The following RBM25 variants were observed in gnomAD, a reference collection of about 807,000 sequenced individuals.
RBM25 encodes RNA binding motif protein 25.
In RBM25, 19 loss-of-function variants were observed where a neutral mutation model predicts 120.7. That is an observed-to-expected ratio of 0.16 (90% CI 0.11 to 0.23). RBM25 has a LOEUF of 0.23. Ranked by LOEUF, RBM25 falls within the 10% of genes least tolerant of loss-of-function variation. The pLI, the probability that RBM25 is intolerant of heterozygous loss-of-function variation, is 1.00. For synonymous variants in RBM25, 390 were observed against 326.7 expected, an observed-to-expected ratio of 1.19 and a Z score of -2.09; for missense variants, 605 against 1,041.5, an observed-to-expected ratio of 0.58 and a Z score of 5.77.
chr14:73,065,535 CT>C (rs996785693), intron 1 of RBM25, among the ~76,000 whole-genome samples: 2 of 152,094 alleles, frequency 1.3e-5, no homozygotes, highest in African/African-American at 4.8e-5. Context: ...AGCAATTCCC[CT>C]GCCTCAGCCT....
intron 1 of RBM25, among the ~76,000 whole-genome samples, chr14:73,066,582 C>T (rs148848508): frequency 2.2e-3 from 318 of 145,264 alleles, no homozygotes; most frequent in Non-Finnish European, 3.9e-3. Context: ...ACCCGACAGG[C>T]GGAGGTTTCA....
At chr14:73,096,850 T>C in intron 6 of RBM25, 65 bp from the exon 7 acceptor site, 1 of 1,375,712 alleles carries the variant, frequency 7.3e-7, no homozygotes, top group Non-Finnish European at 1.0e-6. Context: ...TTAACTCTTG[T>C]TGTAGAGTGA....
Position 73,106,191 on chromosome 14 carries a change from T to G in RBM25, c.1378-5T>G. ...TTTAAAGCTTTGAAAATTTAATTTTTTTAGCGCCTTAAGAATTGGGAAATC... is the reference window on the plus strand; with the variant it reads ...TTTAAAGCTTTGAAAATTTAATTTTGTTAGCGCCTTAAGAATTGGGAAATC... On this transcript the variant is annotated splice_polypyrimidine_tract_variant and splice_region_variant and intron_variant, in intron 11 of 18. Transcript: ENST00000261973. The G allele has an allele frequency of 6.3e-7, 1 of 1,581,436 alleles. No homozygotes were observed. Among genetic ancestry groups the G allele is most frequent in the South Asian group, 1.2e-5 (1 of 84,052 alleles).
intron 6 of RBM25, among the ~76,000 whole-genome samples, chr14:73,095,770 A>G (rs1895928689): frequency 6.6e-6 from 1 of 152,190 alleles, no homozygotes; most frequent in Non-Finnish European, 1.5e-5. Flanking sequence ...CACCTTGAAT[A>G]GAGTTGCAGG....
intron 7 of RBM25, 58 bp from the exon 8 acceptor site, chr14:73,099,322 A>T (rs1214878166): frequency 1.4e-6 from 2 of 1,474,270 alleles, no homozygotes; most frequent in East Asian, 4.5e-5. Flanking sequence ...TGCTTTGCAG[A>T]TTAGTATGAG....
intron 18 of RBM25, among the ~76,000 whole-genome samples, chr14:73,117,346 T>G (rs1270107752): frequency 6.7e-6 from 1 of 149,800 alleles, no homozygotes; most frequent in Non-Finnish European, 1.5e-5. Flanking sequence ...ATTCTCCTGC[T>G]TCAGCCTCCC....
At chr14:73,083,886 A>G (rs896750321) in intron 5 of RBM25, among the ~76,000 whole-genome samples, 1 of 151,018 alleles carries the variant, frequency 6.6e-6, no homozygotes, top group East Asian at 1.9e-4. Context: ...AGAGACAATC[A>G]TGGCCTGTTA....
In RBM25 at chr14:73,103,236, A is replaced by G. The variant is rs555703939; in HGVS notation, c.912A>G (p.Glu304=). ...EKGKKEKERQ[E]IEKERRERER... is the part of the protein sequence containing the mutation. ...GCAAAAAGGAAAAAGAAAGACAGGA[A>G]ATTGAGAAAGAACGGAGAGAAAGAG... The change falls in exon 10 of 19, where the codon GAA becomes GAG. Residue 304 remains glutamate, a synonymous_variant. Transcript: ENST00000261973. 4.3e-6 allele frequency: 7 copies of G among 1,609,446 alleles called. No homozygotes were observed. Among genetic ancestry groups the G allele is most frequent in the Non-Finnish European group, 5.9e-6 (7 of 1,177,938 alleles).
In RBM25 at chr14:73,103,994, ACT is replaced by A. The variant is rs1209592511; in HGVS notation, c.1154+538_1154+539del. On this transcript the variant is annotated intron_variant, in intron 10 of 18. Coordinates refer to ENST00000261973, the MANE Select transcript of RBM25 (RefSeq NM_021239.3). Reference sequence around the variant, plus strand: ...CACACACACACACACACACACACACACTCTCTCTCTCTCTCTCTCTCTCACTA... The same window carrying A: ...CACACACACACACACACACACACACACTCTCTCTCTCTCTCTCTCTCACTA... 5.9e-3 allele frequency among the ~76,000 whole-genome samples: 588 copies of A among 99,356 alleles called. 3 individuals are homozygous for A. Among genetic ancestry groups the A allele is most frequent in the East Asian group, 0.02 (57 of 2,796 alleles). The allele number at this position is 99,356 out of a possible 152,430, so 65.2% of individuals were successfully genotyped here.
At chr14:73,098,961 T>A (rs566170844) in intron 7 of RBM25, among the ~76,000 whole-genome samples, 68 of 152,316 alleles carry the variant, frequency 4.5e-4, no homozygotes, top group African/African-American at 1.6e-3. Flanking sequence ...GTAGGGTCAG[T>A]AAGGTACAGG....
intron 14 of RBM25, among the ~76,000 whole-genome samples, 153 bp from the exon 15 acceptor site, chr14:73,110,678 C>T (rs1184934169): frequency 1.3e-5 from 2 of 152,120 alleles, no homozygotes; most frequent in Non-Finnish European, 2.9e-5. Context: ...ATCTGCCCAC[C>T]GCGGCCTCCC....
chr14:73,074,056 A>G (rs993367938), intron 2 of RBM25, among the ~76,000 whole-genome samples: 1 of 152,258 alleles, frequency 6.6e-6, no homozygotes, highest in African/African-American at 2.4e-5. Flanking sequence ...ATGTTGCAGA[A>G]AACTGAATAA....
At chr14:73,103,994 A>ACACACACT (rs1339176135) in intron 10 of RBM25, among the ~76,000 whole-genome samples, 146 of 99,396 alleles carry the variant, frequency 1.5e-3, no homozygotes, top group Non-Finnish European at 2.4e-3. Context: ...ACACACACAC[A>ACACACACT]CTCTCTCTCT....
At chr14:73,093,307 T>C (rs1895858828) in intron 6 of RBM25, among the ~76,000 whole-genome samples, 1 of 152,232 alleles carries the variant, frequency 6.6e-6, no homozygotes, top group Non-Finnish European at 1.5e-5. Context: ...GTTCGTACTT[T>C]GGATTCTAGA....
At chr14:73,111,218 T>C (rs1896304613) in intron 15 of RBM25, 63 bp downstream of exon 15, 2 of 1,355,568 alleles carry the variant, frequency 1.5e-6, no homozygotes, top group Admixed American at 2.5e-5. Context: ...ACCTGTATTG[T>C]GCTTTAAAGA....
Position 73,106,054 on chromosome 14 carries a change from C to G in RBM25, c.1350C>G (p.Leu450=). Residue 450 remains leucine, a synonymous_variant, in exon 11 of 19, where the codon CTC becomes CTG. Transcript: ENST00000261973. ...AYERRKLERK[L]REKEAAYQER... Reference sequence around the variant, plus strand: ...AACGAAGAAAACTTGAAAGAAAACTCCGAGAGAAAGAAGCTGCTTATCAAG... The same window carrying G: ...AACGAAGAAAACTTGAAAGAAAACTGCGAGAGAAAGAAGCTGCTTATCAAG... 1 of 1,608,496 alleles carries G rather than the reference C, an allele frequency of 6.2e-7. No individual in the cohort carries two copies. The highest frequency in any genetic ancestry group is 8.5e-7 in the Non-Finnish European group (1 of 1,178,824).
intron 6 of RBM25, among the ~76,000 whole-genome samples, chr14:73,090,303 G>A (rs1414807954): frequency 6.6e-6 from 1 of 151,650 alleles, no homozygotes; most frequent in African/African-American, 2.4e-5. Flanking sequence ...CACCCACCTC[G>A]GCCTCTCAAA....
At chr14:73,082,448 C>T (rs756938848) in intron 4 of RBM25, among the ~76,000 whole-genome samples, 11 of 152,074 alleles carry the variant, frequency 7.2e-5, no homozygotes, top group Non-Finnish European at 1.3e-4. Context: ...TGTGCCACCA[C>T]GCCCGCCTAA....
chr14:73,077,738 G>A (rs1464903704), intron 4 of RBM25, among the ~76,000 whole-genome samples: 1 of 152,104 alleles, frequency 6.6e-6, no homozygotes, highest in East Asian at 1.9e-4. Context: ...ATGTACACAT[G>A]TGTACCACAC....
Sources: gnomAD v4.1 joint callset for allele counts (sites outside exome capture counted in the v4.1 genomes callset) on GRCh38, gnomAD v4.1.1 for gene constraint, MANE v1.5 for transcripts, NCBI Gene and HGNC (gene_info 2026-07-23, HGNC 2026-07-21) for gene names.